NCOA6: variants seen among roughly 807,000 people sequenced by gnomAD.
NCOA6 encodes the protein nuclear receptor coactivator 6.
In NCOA6, 49 loss-of-function variants were observed where a neutral mutation model predicts 171.4. The observed-to-expected ratio is 0.29, with a 90% CI of 0.23 to 0.36. The LOEUF is 0.36. Among genes scored for constraint, NCOA6 ranks in the 10% least tolerant of loss-of-function variants. NCOA6 has a pLI of 1.00. For missense variants in NCOA6, 2,248 were observed against 2,554.5 expected (o/e 0.88, Z 2.59); for synonymous variants, 910 against 927.5 (o/e 0.98, Z 0.34).
chr20:34,730,712 CTTT>C (rs141101262), intron 13 of NCOA6, among the ~76,000 whole-genome samples: 1 of 129,038 alleles, frequency 7.7e-6, no homozygotes. Flanking sequence ...ATGTTCTAGA[CTTT>C]TTTTTTTTTT....
chr20:34,758,983 T>C (rs1377417789), intron 5 of NCOA6, 50 bp from the exon 6 acceptor site: 2 of 1,577,874 alleles, frequency 1.3e-6, no homozygotes, highest in East Asian at 2.2e-5. Context: ...ACAATTTTTG[T>C]TTTTTAATGA....
chr20:34,784,023 A>G (rs2077592854), intron 2 of NCOA6, among the ~76,000 whole-genome samples: 1 of 152,160 alleles, frequency 6.6e-6, no homozygotes, highest in Non-Finnish European at 1.5e-5. Flanking sequence ...ACTTATAACT[A>G]TAATTACAAG....
intron 4 of NCOA6, among the ~76,000 whole-genome samples, chr20:34,772,767 C>A (rs1195683418): frequency 6.6e-6 from 1 of 152,132 alleles, no homozygotes; most frequent in African/African-American, 2.4e-5. Context: ...CTGGGGGATG[C>A]ACGTCAGGAA....
At chr20:34,773,019 GGC>G (rs1555839019) in intron 4 of NCOA6, among the ~76,000 whole-genome samples, 1 of 152,024 alleles carries the variant, frequency 6.6e-6, no homozygotes, top group Non-Finnish European at 1.5e-5. Context: ...GAACACTACC[GGC>G]TCCCAAACTT....
rs146019486 is a variant in NCOA6 at position 34,741,355 on chromosome 20, G to A, written c.4901C>T (p.Ala1634Val). The A allele has an allele frequency of 2.8e-5, 45 of 1,614,090 alleles. No homozygotes were observed. Among genetic ancestry groups the A allele is most frequent in the Non-Finnish European group, 3.6e-5 (42 of 1,180,054 alleles). The change falls in exon 11 of 15, where the codon GCG (alanine) becomes GTG (valine). Residue 1634 changes from alanine (A) to valine (V), a missense_variant. Transcript: ENST00000359003. The stretch of plus-strand genomic sequence containing the variant: ...CTCAGAAACCATAACCTTGCTACCC[G>A]CATTGGGCATTGTGACAACTGTTGA... Reference protein sequence around the residue: ...LMSTVVTMPNAGSKVMVSEGQ... With the variant: ...LMSTVVTMPNVGSKVMVSEGQ...
chr20:34,741,142 T>C lies in NCOA6; in HGVS notation c.5114A>G (p.Asn1705Ser), dbSNP rs746386264. Residue 1705 changes from asparagine (N) to serine (S), a missense_variant, in exon 11 of 15, where the codon AAC (asparagine) becomes AGC (serine). Physicochemically the swap from Asn to Ser is conservative, Grantham distance 46. Transcript: ENST00000359003. ...AVVGPLHIPQ[N>S]IKFSSAPVPP... The stretch of plus-strand genomic sequence containing the variant: ...TACAGGAGCAGAAGAAAATTTTATG[T>C]TCTGAGGTATGTGTAAAGGGCCAAC... 1.2e-5 allele frequency: 20 copies of C among 1,614,084 alleles called. No individual in the cohort carries two copies. Among genetic ancestry groups the C allele is most frequent in the Non-Finnish European group, 1.7e-5 (20 of 1,180,048 alleles).
chr20:34,751,796 G>A (rs1294298703), intron 8 of NCOA6, among the ~76,000 whole-genome samples: 1 of 152,170 alleles, frequency 6.6e-6, no homozygotes, highest in East Asian at 1.9e-4. Flanking sequence ...TGGGTCTTTG[G>A]GATTTTCCTA....
In NCOA6 at chr20:34,727,297, C is replaced by G. The variant is rs765094449; in HGVS notation, c.6110G>C (p.Arg2037Pro). 2 of 1,614,052 alleles carry G rather than the reference C, an allele frequency of 1.2e-6. No homozygotes were observed. The highest frequency in any genetic ancestry group is 1.3e-5 in the African/African-American group (1 of 74,924). Residue 2037 changes from arginine (R) to proline (P), a missense_variant, in exon 14 of 15, where the codon CGA becomes CCA. By Grantham distance (103) the Arg-to-Pro change is moderately radical. Transcript: ENST00000359003. ...GGAGGCTGAAGCAGGTCGAGAAGAT[C>G]GTTTACGATGTCCATTTTCCACACT... ...SESVENGHRK[R>P]SSRPASASSS... is the part of the protein sequence containing the mutation.
intron 10 of NCOA6, among the ~76,000 whole-genome samples, chr20:34,745,153 C>G (rs554683941): frequency 6.6e-6 from 1 of 152,290 alleles, no homozygotes; most frequent in South Asian, 2.1e-4. Context: ...AGGGGCCAGG[C>G]AGGTAGTAGA....
intron 2 of NCOA6, among the ~76,000 whole-genome samples, chr20:34,784,268 T>A (rs1319623828): frequency 3.3e-5 from 5 of 152,004 alleles, no homozygotes; most frequent in African/African-American, 1.2e-4. Context: ...TCTTTCTCTG[T>A]TGCTGGAATG....
intron 5 of NCOA6, among the ~76,000 whole-genome samples, chr20:34,763,078 G>T (rs1415629204): frequency 6.6e-6 from 1 of 152,066 alleles, no homozygotes; most frequent in African/African-American, 2.4e-5. Flanking sequence ...ACAATATTGT[G>T]TCTAGATGTA....
At chr20:34,770,788 C>A (rs1050082906) in intron 4 of NCOA6, among the ~76,000 whole-genome samples, 1 of 152,040 alleles carries the variant, frequency 6.6e-6, no homozygotes, top group Non-Finnish European at 1.5e-5. Flanking sequence ...TGCCACCACG[C>A]CCGGCTAATT....
At position 34,740,820 on chromosome 20, in the gene NCOA6, C is replaced by T. The variant is rs761145591; in HGVS notation, c.5436G>A (p.Ser1812=). The T allele has an allele frequency of 2.5e-5, 41 of 1,614,074 alleles. No individual in the cohort carries two copies. The highest frequency in any genetic ancestry group is 1.6e-4 in the Middle Eastern group (1 of 6,084). ...CCACTTTTCCTTTGCCCTTACTAGA[C>T]GAGACTGGGCTTCGCCGGTTGCCAG... is the stretch of plus-strand genomic sequence containing the variant. The part of the protein sequence containing the change: ...GSSGNRRSPV[S]SSKGKGKVDK... Residue 1812 remains serine, a synonymous_variant, in exon 11 of 15, where the codon TCG becomes TCA. Transcript: ENST00000359003.
At chr20:34,746,676 G>A in intron 10 of NCOA6, 131 bp downstream of exon 10, 1 of 1,094,228 alleles carries the variant, frequency 9.1e-7, no homozygotes, top group Non-Finnish European at 1.2e-6. Context: ...CCAAATACCA[G>A]ACACATTAAA....
At chr20:34,785,036 G>T (rs549087131) in intron 2 of NCOA6, among the ~76,000 whole-genome samples, 1 of 151,996 alleles carries the variant, frequency 6.6e-6, no homozygotes, top group African/African-American at 2.4e-5. Context: ...AGCTGAGATC[G>T]CACCACTGCA....
At chr20:34,809,385 C>T in intron 1 of NCOA6, 1 of 398,172 alleles carries the variant, frequency 2.5e-6, no homozygotes, top group African/African-American at 2.1e-5. Context: ...TATTTATAAT[C>T]CAATCCTTTA....
At chr20:34,761,805 G>A (rs1042817403) in intron 5 of NCOA6, among the ~76,000 whole-genome samples, 19 of 151,946 alleles carry the variant, frequency 1.3e-4, no homozygotes, top group Admixed American at 1.1e-3. Flanking sequence ...ACAGGCACAC[G>A]CCACCATGCC....
chr20:34,823,846 G>C (rs933239963), intron 1 of NCOA6, among the ~76,000 whole-genome samples: 4 of 152,168 alleles, frequency 2.6e-5, no homozygotes, highest in African/African-American at 9.7e-5. Context: ...GGGACTACAA[G>C]TACAAGCCAC....
At chr20:34,765,058 T>C (rs1227129849) in intron 5 of NCOA6, among the ~76,000 whole-genome samples, 1 of 151,512 alleles carries the variant, frequency 6.6e-6, no homozygotes, top group African/African-American at 2.4e-5. Context: ...GAGGTACAGG[T>C]TGCAGTGAGC....
Sources: gnomAD v4.1 joint callset for allele counts (sites outside exome capture counted in the v4.1 genomes callset) on GRCh38, gnomAD v4.1.1 for gene constraint, MANE v1.5 for transcripts, NCBI Gene and HGNC (gene_info 2026-07-23, HGNC 2026-07-21) for gene names.